CAMKMT: variants seen among roughly 807,000 people sequenced by gnomAD.
The protein encoded by CAMKMT is calmodulin-lysine N-methyltransferase.
CAMKMT carries 53 observed loss-of-function variants against 48.0 expected under a neutral mutation model. That is an observed-to-expected ratio of 1.10 (90% CI 0.89 to 1.39). The LOEUF (loss-of-function observed/expected upper bound fraction) is 1.39, where lower values mean the gene tolerates loss of function less well. Ranked by LOEUF, CAMKMT falls within the 40% of genes most tolerant of loss-of-function variation. CAMKMT has a pLI of 0.00. For missense variants in CAMKMT, 428 were observed against 402.7 expected, an observed-to-expected ratio of 1.06 and a Z score of -0.54; for synonymous variants, 165 against 152.3, an observed-to-expected ratio of 1.08 and a Z score of -0.61.
chr2:44,600,467 C>A (rs1461081174), intron 3 of CAMKMT, among the ~76,000 whole-genome samples: 1 of 151,948 alleles, frequency 6.6e-6, no homozygotes, highest in African/African-American at 2.4e-5. Flanking sequence ...CAGGGTTTTG[C>A]CATGTTGCTA....
At chr2:44,445,091 A>G (rs1666901321) in intron 3 of CAMKMT, among the ~76,000 whole-genome samples, 1 of 152,160 alleles carries the variant, frequency 6.6e-6, no homozygotes, top group African/African-American at 2.4e-5. Flanking sequence ...CTCCCATTTC[A>G]TGGATAAAGG....
intron 7 of CAMKMT, among the ~76,000 whole-genome samples, chr2:44,728,553 C>G (rs1250616991): frequency 1.3e-5 from 2 of 151,598 alleles, no homozygotes; most frequent in Non-Finnish European, 2.9e-5. Flanking sequence ...TGGTCCAGGG[C>G]TTTTTTTTGT....
At chr2:44,380,010 TTTG>T (rs1248116111) in intron 2 of CAMKMT, among the ~76,000 whole-genome samples, 3 of 152,176 alleles carry the variant, frequency 2.0e-5, no homozygotes, top group Admixed American at 6.5e-5. Flanking sequence ...TATTTTTTCA[TTTG>T]TTATCTATAA....
At chr2:44,386,282 T>G (rs1287714990) in intron 2 of CAMKMT, among the ~76,000 whole-genome samples, 1 of 152,086 alleles carries the variant, frequency 6.6e-6, no homozygotes, top group African/African-American at 2.4e-5. Flanking sequence ...TTTATCCATC[T>G]CTTCTAGGTT....
chr2:44,650,296 G>T (rs1673987168), intron 3 of CAMKMT, among the ~76,000 whole-genome samples: 1 of 152,136 alleles, frequency 6.6e-6, no homozygotes, highest in Non-Finnish European at 1.5e-5. Context: ...TGCTCTCCCT[G>T]GGTGTCTCTC....
intron 1 of CAMKMT, among the ~76,000 whole-genome samples, chr2:44,363,913 AC>A (rs1678310646): frequency 1.3e-5 from 2 of 148,180 alleles, no homozygotes; most frequent in African/African-American, 2.5e-5. Flanking sequence ...CTGGTCTCAA[AC>A]TCCTGACCTC....
At chr2:44,466,388 A>G (rs954350306) in intron 3 of CAMKMT, among the ~76,000 whole-genome samples, 5 of 152,228 alleles carry the variant, frequency 3.3e-5, no homozygotes, top group East Asian at 1.9e-4. Flanking sequence ...TGGAAAATTC[A>G]TAAATATGTG....
At chr2:44,673,968 TCTC>T (rs1292581715) in intron 3 of CAMKMT, among the ~76,000 whole-genome samples, 2 of 151,756 alleles carry the variant, frequency 1.3e-5, no homozygotes, top group Non-Finnish European at 2.9e-5. Flanking sequence ...TCATAGCAAA[TCTC>T]CTTCTTGCTG....
At chr2:44,638,181 G>A (rs1302730060) in intron 3 of CAMKMT, among the ~76,000 whole-genome samples, 2 of 152,008 alleles carry the variant, frequency 1.3e-5, no homozygotes, top group Non-Finnish European at 2.9e-5. Flanking sequence ...TTTCAACTAT[G>A]GTTTCATCTT....
At chr2:44,503,984 G>GGAGAGAGAGAGAGAGA (rs370141046) in intron 3 of CAMKMT, among the ~76,000 whole-genome samples, 8 of 142,690 alleles carry the variant, frequency 5.6e-5, no homozygotes, top group African/African-American at 1.9e-4. Context: ...GAGCGGGTGG[G>GGAGAGAGAGAGAGAGA]GAGAGAGAGA....
At position 44,372,568 on chromosome 2, in the gene CAMKMT, T is replaced by G. The variant is rs555141589; in HGVS notation, c.139-148T>G. The G allele has an allele frequency of 1.4e-5, 8 of 590,970 alleles. No individual in the cohort carries two copies. In the South Asian group the frequency reaches 2.1e-4, roughly 16 times the overall value. The allele number at this position is 590,970 out of a possible 1,614,324, so 36.6% of individuals were successfully genotyped here. A position where few individuals can be genotyped will look rare whatever the true frequency, so the allele number is the denominator to read the frequency against. ...AAATATTTTGTTCATCTTTTATAGTTATCTTCAGTAGGAGATATATCTGAA... is the reference window on the plus strand; with the variant it reads ...AAATATTTTGTTCATCTTTTATAGTGATCTTCAGTAGGAGATATATCTGAA... On this transcript the variant is annotated intron_variant, in intron 1 of 10. Transcript: ENST00000378494.
chr2:44,372,691 T>C (rs1443607130), intron 1 of CAMKMT, 25 bp from the exon 2 acceptor site: 8 of 1,600,908 alleles, frequency 5.0e-6, no homozygotes, highest in Non-Finnish European at 6.8e-6. Flanking sequence ...ATAACATGAC[T>C]GCAATATTTG....
intron 10 of CAMKMT, among the ~76,000 whole-genome samples, chr2:44,771,596 G>T (rs1320266735): frequency 6.6e-6 from 1 of 152,176 alleles, no homozygotes; most frequent in African/African-American, 2.4e-5. Context: ...GGCCCCACAA[G>T]CCTTTCCCTG....
chr2:44,486,200 C>T (rs933375677), intron 3 of CAMKMT, among the ~76,000 whole-genome samples: 1 of 152,126 alleles, frequency 6.6e-6, no homozygotes, highest in African/African-American at 2.4e-5. Context: ...CTCCTGGCCT[C>T]AAGTGATCCA....
At chr2:44,498,678 G>A (rs1669870867) in intron 3 of CAMKMT, among the ~76,000 whole-genome samples, 1 of 152,158 alleles carries the variant, frequency 6.6e-6, no homozygotes, top group Non-Finnish European at 1.5e-5. Context: ...CTTGAGACCT[G>A]GAAAGCTGTT....
chr2:44,514,828 C>T (rs1163167266), intron 3 of CAMKMT, among the ~76,000 whole-genome samples: 1 of 152,178 alleles, frequency 6.6e-6, no homozygotes, highest in East Asian at 1.9e-4. Flanking sequence ...TAGATTCTTC[C>T]CCATATCCTT....
intron 3 of CAMKMT, among the ~76,000 whole-genome samples, chr2:44,690,993 A>C (rs1162289491): frequency 3.9e-5 from 6 of 152,062 alleles, no homozygotes; most frequent in South Asian, 4.2e-4. Context: ...AAATAACAAC[A>C]ATAATAATAA....
chr2:44,456,159 A>G lies in CAMKMT; in HGVS notation c.376+65854A>G, dbSNP rs75425253. Among the ~76,000 whole-genome samples the G allele has an allele frequency of 9.3e-4, 142 of 152,334 alleles. 4 individuals carry two copies. In the East Asian group the frequency reaches 0.027, roughly 29 times the overall value. On this transcript the variant is annotated intron_variant, in intron 3 of 10. Transcript: ENST00000378494. ...GAATCCAAATATATTGCTAGTACAT[A>G]TTAGATACTTAATATGTGTAACTTA...
intron 3 of CAMKMT, among the ~76,000 whole-genome samples, chr2:44,477,191 A>G (rs1668733164): frequency 6.6e-6 from 1 of 152,202 alleles, no homozygotes; most frequent in South Asian, 2.1e-4. Context: ...GCCGTAGTTC[A>G]TTATAGAGTT....
Sources: gnomAD v4.1 joint callset for allele counts (sites outside exome capture counted in the v4.1 genomes callset) on GRCh38, gnomAD v4.1.1 for gene constraint, MANE v1.5 for transcripts, NCBI Gene and HGNC (gene_info 2026-07-23, HGNC 2026-07-21) for gene names.